NBEAL1: variants seen among roughly 807,000 people sequenced by gnomAD.
NBEAL1 encodes neurobeachin like 1.
A neutral mutation model predicts 351.3 loss-of-function variants in NBEAL1; 273 were observed. The observed-to-expected ratio is 0.78, with a 90% CI of 0.70 to 0.86. NBEAL1 has a LOEUF of 0.86. NBEAL1 is among the 40% of genes least tolerant of loss of function. The probability of loss-of-function intolerance (pLI) is 0.00; values close to 1 mark genes in which losing one functional copy is unlikely to be tolerated. For missense variants in NBEAL1, 2,961 were observed against 3,201.3 expected, an observed-to-expected ratio of 0.92 and a Z score of 1.81; for synonymous variants, 1,050 against 1,086.4, an observed-to-expected ratio of 0.97 and a Z score of 0.66.
At chr2:203,149,614 T>C (rs2063599559) in intron 34 of NBEAL1, among the ~76,000 whole-genome samples, 1 of 152,188 alleles carries the variant, frequency 6.6e-6, no homozygotes, top group South Asian at 2.1e-4. Context: ...AAATGTACAG[T>C]TCACTGGCAC....
intron 41 of NBEAL1, among the ~76,000 whole-genome samples, chr2:203,173,419 T>G (rs1367495422): frequency 6.6e-6 from 1 of 152,174 alleles, no homozygotes; most frequent in African/African-American, 2.4e-5. Context: ...TGATTTTAAT[T>G]TCCCTTTTTC....
chr2:203,160,786 C>G (rs2063932188), intron 36 of NBEAL1, among the ~76,000 whole-genome samples: 1 of 152,118 alleles, frequency 6.6e-6, no homozygotes, highest in Non-Finnish European at 1.5e-5. Flanking sequence ...AATGACGTCT[C>G]TATTCATTGG....
intron 9 of NBEAL1, 81 bp from the exon 10 acceptor site, chr2:203,084,379 TAAA>T (rs2061926983): frequency 4.9e-6 from 3 of 617,292 alleles, no homozygotes; most frequent in Non-Finnish European, 7.6e-6. Flanking sequence ...TTTTAAAAAT[TAAA>T]AAGAAAAATG....
rs545926360 is a variant in NBEAL1, at chr2:203,136,755, T to G, written c.4546T>G (p.Ser1516Ala). 7.4e-6 allele frequency: 12 copies of G among 1,612,908 alleles called. No individual in the cohort carries two copies. The African/African-American group carries it at 1.6e-4, about 22-fold the overall frequency. Residue 1516 changes from serine (S) to alanine (A), a missense_variant, in exon 29 of 56, where the codon TCA (serine) becomes GCA (alanine). Transcript: ENST00000683969. ...AATATCCAGTGAACTACTTCGACCA[T>G]CAGATGAAATAAAACTAACGTAAGC... ...PGISSELLRP[S>A]DEIKLTLLQK... is the part of the protein sequence containing the mutation.
chr2:203,038,891 G>T (rs2061081745), intron 2 of NBEAL1, among the ~76,000 whole-genome samples: 1 of 148,504 alleles, frequency 6.7e-6, no homozygotes, highest in South Asian at 2.1e-4. Flanking sequence ...TGTTGCTTAG[G>T]CTGGTCTCGA....
In NBEAL1 at chr2:203,049,887, C is replaced by T; in HGVS notation, c.217C>T (p.Gln73Ter). ...ILQVLRIQLL[Q>*]CVQKMADGLE... ...GCAGGTTCTGAGGATCCAGCTTCTA[C>T]AGTGTGTTCAGAAAATGGCAGATGG... Residue 73 changes from glutamine (Q) to a stop codon, truncating the protein, a stop_gained, in exon 4 of 56, where the codon CAG becomes TAG. Transcript: ENST00000683969. LOFTEE classifies it high-confidence loss of function. The T allele has an allele frequency of 6.4e-7, 1 of 1,556,892 alleles. No homozygotes were observed. The highest frequency in any genetic ancestry group is 8.7e-7 in the Non-Finnish European group (1 of 1,148,416).
Position 203,213,621 on chromosome 2 carries a change from T to C in NBEAL1, c.8038T>C (p.Leu2680=). The C allele has an allele frequency of 6.2e-7, 1 of 1,614,024 alleles. No homozygotes were observed. Among genetic ancestry groups the C allele is most frequent in the Non-Finnish European group, 8.5e-7 (1 of 1,179,966 alleles). Residue 2680 remains leucine, a synonymous_variant, in exon 55 of 56, where the codon TTG becomes CTG. Coordinates refer to ENST00000683969, the MANE Select transcript of NBEAL1 (RefSeq NM_001378026.1). ...TCTTGTAGGTTTAGAAGATGGCAAA[T>C]TGATTGTAGTGGGTGTTGGCAAGCC... ...HILVGLEDGK[L]IVVGVGKPAE...
chr2:203,214,356 A>G (rs1337351537), intron 55 of NBEAL1, among the ~76,000 whole-genome samples: 3 of 152,258 alleles, frequency 2.0e-5, no homozygotes, highest in African/African-American at 4.8e-5. Context: ...TTACCGTCAC[A>G]CAGTCAGTGG....
chr2:203,137,145 T>G (rs371090967), intron 29 of NBEAL1, among the ~76,000 whole-genome samples: 21 of 152,224 alleles, frequency 1.4e-4, no homozygotes, highest in Middle Eastern at 3.2e-3. Flanking sequence ...ATTATTTCTC[T>G]GAAGGATTTA....
intron 7 of NBEAL1, among the ~76,000 whole-genome samples, chr2:203,070,882 C>T (rs373004976): frequency 5.9e-5 from 9 of 152,240 alleles, no homozygotes; most frequent in Middle Eastern, 3.4e-3. Flanking sequence ...CAGTTGAACA[C>T]GAGATTTCAG....
chr2:203,140,763 G>C (rs904634671), intron 31 of NBEAL1, among the ~76,000 whole-genome samples: 1 of 152,072 alleles, frequency 6.6e-6, no homozygotes, highest in Non-Finnish European at 1.5e-5. Flanking sequence ...CTGGCCAGGC[G>C]CAGTATCTCA....
chr2:203,141,366 ATTTTTTTTTTTTT>A (rs71034219), intron 31 of NBEAL1, among the ~76,000 whole-genome samples: 4 of 9,110 alleles, frequency 4.4e-4, no homozygotes, highest in Admixed American at 2.3e-3. Flanking sequence ...TATTATTATT[ATTTTTTTTTTTTT>A]TTTTTTTTTT....
Position 203,144,600 on chromosome 2 carries a change from GT to G in NBEAL1, c.4852del (p.Cys1618ValfsTer8). Reference protein sequence around the residue: ...LGFIGRGNLQVCAMASAKLNT... With the variant: ...LGFIGRGNLQXCAMASAKLNT... ...TCTCATCTAAACTGTTTTCCTCCAG[GT>G]TTGTGCAATGGCATCAGCTAAGCTA... is the stretch of plus-strand genomic sequence containing the variant. On this transcript the variant is annotated frameshift_variant and splice_region_variant, in exon 32 of 56. Coordinates refer to ENST00000683969, the MANE Select transcript of NBEAL1 (RefSeq NM_001378026.1). LOFTEE classifies it high-confidence loss of function. 6.2e-7 allele frequency: 1 copy of G among 1,606,670 alleles called. No homozygotes were observed. The highest frequency in any genetic ancestry group is 1.1e-5 in the South Asian group (1 of 90,036).
chr2:203,078,484 G>A (rs1352780196), intron 8 of NBEAL1, among the ~76,000 whole-genome samples: 1 of 152,046 alleles, frequency 6.6e-6, no homozygotes, highest in Non-Finnish European at 1.5e-5. Flanking sequence ...GGGACTACAG[G>A]CACACACCAC....
chr2:203,158,829 T>TC (rs1345785613), intron 36 of NBEAL1, among the ~76,000 whole-genome samples: 1 of 144,746 alleles, frequency 6.9e-6, no homozygotes, highest in Non-Finnish European at 1.5e-5. Flanking sequence ...TTTTTTTTTT[T>TC]TTTTTTTTGA....
intron 5 of NBEAL1, among the ~76,000 whole-genome samples, chr2:203,057,057 T>G (rs1206588442): frequency 6.6e-6 from 1 of 152,216 alleles, no homozygotes; most frequent in Non-Finnish European, 1.5e-5. Flanking sequence ...ATAAATGGCT[T>G]TTAAAATGAT....
At chr2:203,032,745 A>C (rs992781553) in intron 2 of NBEAL1, among the ~76,000 whole-genome samples, 7 of 137,722 alleles carry the variant, frequency 5.1e-5, no homozygotes, top group Non-Finnish European at 9.2e-5. Context: ...GCTCACTGCA[A>C]CCTCCACCTC....
chr2:203,066,617 A>G (rs968666799), intron 6 of NBEAL1, among the ~76,000 whole-genome samples: 1 of 152,118 alleles, frequency 6.6e-6, no homozygotes, highest in African/African-American at 2.4e-5. Flanking sequence ...TACACTTCCC[A>G]GACGGGACGG....
At chr2:203,028,943 C>A (rs1475341498) in intron 2 of NBEAL1, among the ~76,000 whole-genome samples, 1 of 152,046 alleles carries the variant, frequency 6.6e-6, no homozygotes, top group Non-Finnish European at 1.5e-5. Flanking sequence ...TATCCTGGAC[C>A]ACAATGCGCC....
Sources: gnomAD v4.1 joint callset for allele counts (sites outside exome capture counted in the v4.1 genomes callset) on GRCh38, gnomAD v4.1.1 for gene constraint, MANE v1.5 for transcripts, NCBI Gene and HGNC (gene_info 2026-07-23, HGNC 2026-07-21) for gene names.